Variants in EXD2 observed in about 807,000 individuals in gnomAD.
The protein encoded by EXD2 is exonuclease 3'-5' domain-containing protein 2.
Under a neutral mutation model 62.5 loss-of-function variants are expected in EXD2, and 40 were observed. The ratio of observed to expected loss-of-function variants is 0.64; its 90% CI spans 0.50 to 0.83. The LOEUF is 0.83. EXD2 is among the 40% of genes least tolerant of loss of function. The pLI is 0.00. For synonymous variants in EXD2, 239 were observed against 291.9 expected (o/e 0.82, Z 1.85); for missense variants, 671 against 761.8 (o/e 0.88, Z 1.40).
chr14:69,234,673 C>G (rs779998314), intron 5 of EXD2, 27 bp from the exon 6 acceptor site: 2 of 1,572,322 alleles, frequency 1.3e-6, no homozygotes, highest in Non-Finnish European at 1.7e-6. Flanking sequence ...CTTCCAGATT[C>G]CACTGATCTC....
intron 3 of EXD2, among the ~76,000 whole-genome samples, chr14:69,210,722 A>T (rs1339427666): frequency 2.6e-5 from 4 of 152,134 alleles, no homozygotes; most frequent in Non-Finnish European, 5.9e-5. Context: ...AGGCAGGAGG[A>T]TTGCTTGAGC....
chr14:69,192,384 C>T (rs549333448), intron 1 of EXD2, among the ~76,000 whole-genome samples: 1 of 152,198 alleles, frequency 6.6e-6, no homozygotes, highest in Admixed American at 6.5e-5. Context: ...TGGGGCGCAG[C>T]GGGGAAGATG....
At chr14:69,196,415 G>A (rs903772156) in intron 1 of EXD2, among the ~76,000 whole-genome samples, 1 of 152,100 alleles carries the variant, frequency 6.6e-6, no homozygotes, top group African/African-American at 2.4e-5. Context: ...TCAACTAATT[G>A]ACATTTGAGT....
intron 5 of EXD2, among the ~76,000 whole-genome samples, chr14:69,231,323 C>T (rs561481409): frequency 1.3e-5 from 2 of 152,164 alleles, no homozygotes; most frequent in Admixed American, 6.5e-5. Context: ...AAATTACATG[C>T]ATGCGTTATT....
intron 1 of EXD2, chr14:69,196,001 G>C (rs1051750934): frequency 6.6e-6 from 1 of 152,172 alleles, no homozygotes; most frequent in South Asian, 2.1e-4. Flanking sequence ...GTGTCAGCAG[G>C]GTTGTGCTCT....
chr14:69,228,185 C>CTTTTTTTTTTTTTT (rs35695329), intron 3 of EXD2, among the ~76,000 whole-genome samples: 1 of 80,516 alleles, frequency 1.2e-5, no homozygotes, highest in Non-Finnish European at 2.1e-5. Flanking sequence ...TTTCCTTAGC[C>CTTTTTTTTTTTTTT]TTTTTTTTTT....
Position 69,241,613 on chromosome 14 carries a change from A to T in EXD2, c.*513A>T. Reference sequence around the variant, plus strand: ...TCATAATTATCATTTCTTTGGCTTCATGCTCTCCCGTAACTCATGTGGTTG... The same window carrying T: ...TCATAATTATCATTTCTTTGGCTTCTTGCTCTCCCGTAACTCATGTGGTTG... On this transcript the variant is annotated 3_prime_UTR_variant, in exon 10 of 10. Coordinates refer to ENST00000685843, the MANE Select transcript of EXD2 (RefSeq NM_001193360.2). 2.7e-6 allele frequency: 1 copy of T among 371,606 alleles called. No individual in the cohort carries two copies. Among genetic ancestry groups the T allele is most frequent in the East Asian group, 4.0e-5 (1 of 24,876 alleles). 23.0% of individuals were successfully genotyped at this position (371,606 alleles called of 1,614,324 possible). A position where few individuals can be genotyped will look rare whatever the true frequency, so the allele number is the denominator to read the frequency against.
Position 69,242,179 on chromosome 14 carries a change from G to A in EXD2, c.*1079G>A, listed in dbSNP as rs933759609. The A allele has an allele frequency of 2.8e-5, 11 of 397,106 alleles. No individual in the cohort carries two copies. Among genetic ancestry groups the A allele is most frequent in the African/African-American group, 1.9e-4 (9 of 48,560 alleles). The allele number at this position is 397,106 out of a possible 1,614,324, so 24.6% of individuals were successfully genotyped here. A position where few individuals can be genotyped will look rare whatever the true frequency, so the allele number is the denominator to read the frequency against. ...AGGCCATTACTTTGAGTATAAAATC[G>A]ACTTATTAATGATTAGTAATTTTTC... On this transcript the variant is annotated 3_prime_UTR_variant, in exon 10 of 10. Coordinates refer to ENST00000685843, the MANE Select transcript of EXD2 (RefSeq NM_001193360.2).
chr14:69,226,046 G>A (rs761845896), intron 3 of EXD2, among the ~76,000 whole-genome samples: 1 of 152,142 alleles, frequency 6.6e-6, no homozygotes, highest in Non-Finnish European at 1.5e-5. Context: ...GGAAATTAAT[G>A]TATGGTAGAC....
At chr14:69,201,334 A>G (rs1183631278) in intron 1 of EXD2, among the ~76,000 whole-genome samples, 10 of 151,360 alleles carry the variant, frequency 6.6e-5, no homozygotes, top group Admixed American at 6.6e-4. Context: ...GACTACAAGC[A>G]CATGCCACAA....
chr14:69,199,239 G>A (rs565719105), intron 1 of EXD2, among the ~76,000 whole-genome samples: 3 of 152,332 alleles, frequency 2.0e-5, no homozygotes, highest in East Asian at 3.9e-4. Flanking sequence ...GTGAGACTCC[G>A]TCTCAAGAAA....
intron 3 of EXD2, among the ~76,000 whole-genome samples, chr14:69,215,570 T>A (rs1348540205): frequency 6.6e-6 from 1 of 152,208 alleles, no homozygotes; most frequent in Non-Finnish European, 1.5e-5. Flanking sequence ...TCTAGCTGTT[T>A]TCAGAAGTGA....
At chr14:69,218,602 C>T (rs920592676) in intron 3 of EXD2, among the ~76,000 whole-genome samples, 1 of 152,180 alleles carries the variant, frequency 6.6e-6, no homozygotes, top group African/African-American at 2.4e-5. Flanking sequence ...AGTCCTTGCC[C>T]ATGCCTATGT....
intron 5 of EXD2, 29 bp from the exon 6 acceptor site, chr14:69,234,671 T>C: frequency 6.4e-7 from 1 of 1,564,330 alleles, no homozygotes; most frequent in Non-Finnish European, 8.7e-7. Context: ...GCCTTCCAGA[T>C]TCCACTGATC....
intron 3 of EXD2, among the ~76,000 whole-genome samples, chr14:69,216,357 ACT>A (rs1203016960): frequency 1.3e-5 from 2 of 152,104 alleles, no homozygotes; most frequent in African/African-American, 4.8e-5. Context: ...CTTTAAAATA[ACT>A]CTGGATATCT....
intron 2 of EXD2, among the ~76,000 whole-genome samples, chr14:69,207,477 G>A (rs1001411020): frequency 1.1e-4 from 17 of 152,082 alleles, no homozygotes; most frequent in Non-Finnish European, 2.1e-4. Context: ...CTGGGCGACG[G>A]CGAGAGACTC....
At position 69,235,068 on chromosome 14, in the gene EXD2, G is replaced by A. The variant is rs746169695; in HGVS notation, c.1049+37G>A. On this transcript the variant is annotated intron_variant, in intron 6 of 9. Transcript: ENST00000685843. ...ACTCCCTGTCTAGTAAAGAGTCAGT[G>A]GCCCAGCCTTAGCAAAGGGTTTGAT... is the stretch of plus-strand genomic sequence containing the variant. 6 of 1,515,346 alleles carry A rather than the reference G, an allele frequency of 4.0e-6. 1 individual carries two copies. Among genetic ancestry groups the A allele is most frequent in the Non-Finnish European group, 4.4e-6 (5 of 1,135,826 alleles). The allele number at this position is 1,515,346 out of a possible 1,614,324, so 93.9% of individuals were successfully genotyped here.
intron 3 of EXD2, among the ~76,000 whole-genome samples, chr14:69,227,729 G>C (rs1451191684): frequency 7.2e-5 from 11 of 152,074 alleles, no homozygotes. Flanking sequence ...AGCTACTCGG[G>C]AGGCTGAGGC....
Position 69,237,024 on chromosome 14 carries a change from T to C in EXD2, c.1292+482T>C, listed in dbSNP as rs367662903. Among the ~76,000 whole-genome samples, 212 of 152,356 alleles carry C rather than the reference T, an allele frequency of 1.4e-3. 5 individuals carry two copies. In the South Asian group the frequency reaches 0.028, roughly 20 times the overall value. ...TGCCCAGACACTTGGGCTTTCTCCC[T>C]GGCTTCTGTGGAGTCACTCACTTTC... On this transcript the variant is annotated intron_variant, in intron 8 of 9. Coordinates refer to ENST00000685843, the MANE Select transcript of EXD2 (RefSeq NM_001193360.2).
Sources: allele counts gnomAD v4.1 joint callset (sites outside exome capture counted in the v4.1 genomes callset), GRCh38; gene constraint gnomAD v4.1.1; transcripts MANE v1.5; gene names NCBI Gene and HGNC (gene_info 2026-07-23, HGNC 2026-07-21).